The following TYRO3 variants were observed in gnomAD, a reference collection of about 807,000 sequenced individuals.
The protein encoded by TYRO3 is TYRO3 protein tyrosine kinase.
In TYRO3, 38 loss-of-function variants were observed where a neutral mutation model predicts 95.2. The ratio of observed to expected loss-of-function variants is 0.40; its 90% CI spans 0.31 to 0.52. The LOEUF (loss-of-function observed/expected upper bound fraction) is 0.52, where lower values mean the gene tolerates loss of function less well. Ranked by LOEUF, TYRO3 falls within the 20% of genes least tolerant of loss-of-function variation. TYRO3 has a pLI of 0.56. For synonymous variants in TYRO3, 367 were observed against 432.9 expected, an observed-to-expected ratio of 0.85 and a Z score of 1.89; for missense variants, 812 against 1,116.4, an observed-to-expected ratio of 0.73 and a Z score of 3.89.
At chr15:41,572,875 T>C in intron 15 of TYRO3, 127 bp from the exon 16 acceptor site, 2 of 811,130 alleles carry the variant, frequency 2.5e-6, no homozygotes, top group Non-Finnish European at 1.9e-6. Context: ...GGGAAGGCCC[T>C]CCATCCCCTT....
At chr15:41,570,777 G>C in intron 12 of TYRO3, 78 bp downstream of exon 12, 1 of 1,437,622 alleles carries the variant, frequency 7.0e-7, no homozygotes, top group Non-Finnish European at 9.8e-7. Context: ...TCACTTTGAG[G>C]CTGTGGGTTT....
At chr15:41,560,388 C>CGTGTGTGT (rs1177291795) in intron 1 of TYRO3, among the ~76,000 whole-genome samples, 32 of 72,132 alleles carry the variant, frequency 4.4e-4, no homozygotes, top group Middle Eastern at 8.8e-3. Context: ...AGGAGAGGTG[C>CGTGTGTGT]GTGTATGTGT....
chr15:41,572,691 G>A, intron 15 of TYRO3, 127 bp downstream of exon 15: 1 of 1,263,634 alleles, frequency 7.9e-7, no homozygotes, highest in Non-Finnish European at 1.1e-6. Context: ...GAGTAGGAGG[G>A]GTCTGAGTTT....
At position 41,573,289 on chromosome 15, in the gene TYRO3, C is replaced by CT; in HGVS notation, c.1986-19_1986-18insT. On this transcript the variant is annotated intron_variant, in intron 16 of 18. Transcript: ENST00000263798. ...GAGCATGGCAGAAGGCTGACTCTCT[C>CT]CCTCAATGCCCCTTGTAGGCTGGCA... The CT allele has an allele frequency of 1.8e-5, 21 of 1,163,062 alleles. No individual in the cohort carries two copies. The highest frequency in any genetic ancestry group is 2.6e-5 in the Non-Finnish European group (21 of 818,424). The allele number at this position is 1,163,062 out of a possible 1,614,324, so 72.0% of individuals were successfully genotyped here.
intron 14 of TYRO3, among the ~76,000 whole-genome samples, chr15:41,572,135 G>T (rs1006906641): frequency 4.8e-4 from 73 of 152,166 alleles, no homozygotes; most frequent in African/African-American, 1.7e-3. Flanking sequence ...CATTGAGGCT[G>T]CAGTGAGCTG....
At chr15:41,574,589 A>T in intron 18 of TYRO3, 1 of 451,044 alleles carries the variant, frequency 2.2e-6, no homozygotes, top group Non-Finnish European at 4.5e-6. Context: ...TTGAACCTAG[A>T]TCCCTGTAGT....
intron 1 of TYRO3, among the ~76,000 whole-genome samples, chr15:41,560,393 A>ATGTGTGTGTGTGTGTGTGTGTGTGTGTG (rs369495054): frequency 1.2e-4 from 15 of 120,486 alleles, no homozygotes; most frequent in African/African-American, 4.8e-4. Context: ...AGGTGCGTGT[A>ATGTGTGTGTGTGTGTGTGTGTGTGTGTG]TGTGTGTGTG....
intron 4 of TYRO3, 149 bp from the exon 5 acceptor site, chr15:41,564,035 T>C: frequency 1.4e-6 from 1 of 695,774 alleles, no homozygotes; most frequent in East Asian, 2.6e-5. Flanking sequence ...AGTGTCCCTG[T>C]TCATTTCACC....
chr15:41,559,883 T>G (rs2140814403), intron 1 of TYRO3, among the ~76,000 whole-genome samples: 1 of 152,330 alleles, frequency 6.6e-6, no homozygotes, highest in Admixed American at 6.5e-5. Context: ...CCCTCAGAGC[T>G]TCCTGAAAGC....
chr15:41,570,625 A>G lies in TYRO3; in HGVS notation c.1505A>G (p.Asp502Gly), dbSNP rs1158125835. The G allele has an allele frequency of 1.5e-5, 24 of 1,614,064 alleles. No homozygotes were observed. Among genetic ancestry groups the G allele is most frequent in the Non-Finnish European group, 1.8e-5 (21 of 1,180,036 alleles). ...ACAGTGGACAGCTTGGGCATCAGCG[A>G]TGAACTAAAGGAAAAACTGGAGGAT... is the stretch of plus-strand genomic sequence containing the variant. Reference protein sequence around the residue: ...EATLDSLGISDELKEKLEDVL... With the variant: ...EATLDSLGISGELKEKLEDVL... The change falls in exon 12 of 19, where the codon GAT becomes GGT. Residue 502 changes from aspartate (D) to glycine (G), a missense_variant. Asp to Gly is a moderately conservative substitution (Grantham distance 94). Transcript: ENST00000263798.
At chr15:41,575,934 G>A (rs1233598466) in intron 18 of TYRO3, among the ~76,000 whole-genome samples, 2 of 151,718 alleles carry the variant, frequency 1.3e-5, no homozygotes, top group African/African-American at 2.4e-5. Flanking sequence ...GAGAAACCCC[G>A]CCTCTATTAA....
At chr15:41,560,397 G>A (rs962509236) in intron 1 of TYRO3, among the ~76,000 whole-genome samples, 2 of 123,728 alleles carry the variant, frequency 1.6e-5, no homozygotes, top group Non-Finnish European at 3.2e-5. Context: ...GCGTGTATGT[G>A]TGTGTGTGTG....
At chr15:41,561,853 C>A (rs2055662295) in intron 3 of TYRO3, 5 of 449,464 alleles carry the variant, frequency 1.1e-5, no homozygotes, top group Admixed American at 4.0e-5. Flanking sequence ...GGATCCACAA[C>A]CTGTGGGGTG....
Position 41,570,128 on chromosome 15 carries a change from C to G in TYRO3, c.1354C>G (p.Arg452Gly), listed in dbSNP as rs774745326. 1 of 1,614,148 alleles carries G rather than the reference C, an allele frequency of 6.2e-7. No individual in the cohort carries two copies. Among genetic ancestry groups the G allele is most frequent in the Admixed American group, 1.7e-5 (1 of 60,024 alleles). ...TGCTGCCCTGGCCCTCATCCTGCTT[C>G]GAAAGAGACGGAAAGAGACGCGGTT... ...TAAALALILL[R>G]KRRKETRFGQ... is the part of the protein sequence containing the mutation. Residue 452 changes from arginine (R) to glycine (G), a missense_variant, in exon 10 of 19, where the codon CGA becomes GGA. By Grantham distance (125) the Arg-to-Gly change is moderately radical. Transcript: ENST00000263798.
intron 6 of TYRO3, 32 bp from the exon 7 acceptor site, chr15:41,567,328 C>T: frequency 2.0e-6 from 3 of 1,481,686 alleles, no homozygotes; most frequent in Non-Finnish European, 2.7e-6. Context: ...ACAGGCTCTC[C>T]CCTACATCAT....
At position 41,578,006 on chromosome 15, in the gene TYRO3, C is replaced by G; in HGVS notation, c.2403C>G (p.Asp801Glu). Residue 801 changes from aspartate (D) to glutamate (E), a missense_variant, in exon 19 of 19, where the codon GAC becomes GAG. Asp to Glu is a conservative substitution (Grantham distance 45). Transcript: ENST00000263798. Reference sequence around the variant, plus strand: ...TGTCTGTGCTATCTGCCAGCCAGGACCCCTTATACATCAACATCGAGAGAG... The same window carrying G: ...TGTCTGTGCTATCTGCCAGCCAGGAGCCCTTATACATCAACATCGAGAGAG... ...GQLSVLSASQ[D>E]PLYINIERAE... The G allele has an allele frequency of 6.2e-7, 1 of 1,614,052 alleles. No homozygotes were observed. Among genetic ancestry groups the G allele is most frequent in the South Asian group, 1.1e-5 (1 of 91,080 alleles).
Position 41,561,166 on chromosome 15 carries a change from C to G in TYRO3, c.164C>G (p.Ser55Cys). The change falls in exon 2 of 19, where the codon TCT becomes TGT. Residue 55 changes from serine to cysteine, a missense_variant. Ser to Cys is a moderately radical substitution (Grantham distance 112). Coordinates refer to ENST00000263798, the MANE Select transcript of TYRO3 (RefSeq NM_006293.4). ...GGAGCCCCGGTGAAGCTGACAGTGT[C>G]TCAGGGGCAGCCGGTGAAGCTCAAC... is the stretch of plus-strand genomic sequence containing the variant. ...LMGAPVKLTV[S>C]QGQPVKLNCS... 1 of 1,614,232 alleles carries G rather than the reference C, an allele frequency of 6.2e-7. No homozygotes were observed. The highest frequency in any genetic ancestry group is 8.5e-7 in the Non-Finnish European group (1 of 1,180,036).
chr15:41,567,647 C>T (rs1012100723), intron 7 of TYRO3, 110 bp downstream of exon 7: 17 of 1,046,132 alleles, frequency 1.6e-5, no homozygotes, highest in South Asian at 5.5e-5. Flanking sequence ...AGGCATCATT[C>T]GGCAAACATT....
rs774578531 is a variant in TYRO3, at chr15:41,568,203, C to G, written c.962-14C>G. ...AGGGCAGGGGTCTTAGCAATCTTCT[C>G]TCTTTGGCTGCAGCCCCAGCCAGCG... On this transcript the variant is annotated splice_polypyrimidine_tract_variant and intron_variant, in intron 7 of 18. Transcript: ENST00000263798. 6.3e-7 allele frequency: 1 copy of G among 1,591,094 alleles called. No homozygotes were observed. Among genetic ancestry groups the G allele is most frequent in the South Asian group, 1.1e-5 (1 of 89,264 alleles).
Sources: gnomAD v4.1 joint callset for allele counts (sites outside exome capture counted in the v4.1 genomes callset) on GRCh38, gnomAD v4.1.1 for gene constraint, MANE v1.5 for transcripts, NCBI Gene and HGNC (gene_info 2026-07-23, HGNC 2026-07-21) for gene names.